SNTG1: variants seen among roughly 807,000 people sequenced by gnomAD.
The protein encoded by SNTG1 is gamma-1-syntrophin.
A neutral mutation model predicts 74.7 loss-of-function variants in SNTG1; 39 were observed. The ratio of observed to expected loss-of-function variants is 0.52; its 90% CI spans 0.40 to 0.68. The LOEUF is 0.68. Ranked by LOEUF, SNTG1 falls within the 30% of genes least tolerant of loss-of-function variation. The probability of loss-of-function intolerance (pLI) is 0.00; values close to 1 mark genes in which losing one functional copy is unlikely to be tolerated. For missense variants in SNTG1, 685 were observed against 609.5 expected (o/e 1.12, Z -1.30); for synonymous variants, 254 against 217.1 (o/e 1.17, Z -1.49).
intron 3 of SNTG1, among the ~76,000 whole-genome samples, chr8:50,395,831 T>C (rs368463221): frequency 1.2e-4 from 19 of 152,260 alleles, no homozygotes; most frequent in African/African-American, 3.8e-4. Context: ...TTTAATTGCA[T>C]ACTTAATTTT....
chr8:50,513,684 G>A (rs537892923), intron 9 of SNTG1, among the ~76,000 whole-genome samples: 2 of 152,348 alleles, frequency 1.3e-5, no homozygotes, highest in South Asian at 4.1e-4. Context: ...AACAATGAGT[G>A]AGGCTCCGTG....
At chr8:50,207,916 C>G (rs1309252257) in intron 2 of SNTG1, among the ~76,000 whole-genome samples, 1 of 152,152 alleles carries the variant, frequency 6.6e-6, no homozygotes, top group Non-Finnish European at 1.5e-5. Context: ...TTTGATTGCA[C>G]TGTGATCTCA....
chr8:50,521,849 T>C (rs893354811), intron 9 of SNTG1, among the ~76,000 whole-genome samples: 3 of 152,132 alleles, frequency 2.0e-5, no homozygotes, highest in African/African-American at 7.2e-5. Flanking sequence ...GCTCTACTTC[T>C]GATTGTAATT....
chr8:50,523,197 G>A (rs952463573), intron 9 of SNTG1, among the ~76,000 whole-genome samples: 2 of 152,114 alleles, frequency 1.3e-5, no homozygotes, highest in African/African-American at 4.8e-5. Context: ...TGGCTTAAGG[G>A]AATGCTGTGG....
intron 13 of SNTG1, among the ~76,000 whole-genome samples, chr8:50,638,815 T>G (rs2095054884): frequency 6.6e-6 from 1 of 151,994 alleles, no homozygotes; most frequent in African/African-American, 2.4e-5. Context: ...AATCATGGAG[T>G]TTAGCATAGA....
intron 12 of SNTG1, among the ~76,000 whole-genome samples, chr8:50,567,693 T>G: frequency 6.6e-6 from 1 of 152,118 alleles, no homozygotes; most frequent in East Asian, 1.9e-4. Flanking sequence ...TTTCCTTTAT[T>G]TTTTAAATTA....
chr8:50,295,757 G>T (rs1227805282), intron 2 of SNTG1, among the ~76,000 whole-genome samples: 1 of 152,130 alleles, frequency 6.6e-6, no homozygotes, highest in Non-Finnish European at 1.5e-5. Flanking sequence ...GGACAATTTG[G>T]AATCTGCCAA....
At chr8:49,984,959 C>T (rs1813023163) in intron 1 of SNTG1, among the ~76,000 whole-genome samples, 1 of 151,942 alleles carries the variant, frequency 6.6e-6, no homozygotes, top group African/African-American at 2.4e-5. Flanking sequence ...CTCTGCCTTA[C>T]CAATTTCCAG....
chr8:50,006,304 C>T (rs1017875285), intron 1 of SNTG1, among the ~76,000 whole-genome samples: 1 of 152,056 alleles, frequency 6.6e-6, no homozygotes, highest in Admixed American at 6.6e-5. Context: ...TTAAAATTTT[C>T]TATATTTTCA....
At chr8:50,740,619 C>T (rs1218162524) in intron 17 of SNTG1, among the ~76,000 whole-genome samples, 1 of 151,922 alleles carries the variant, frequency 6.6e-6, no homozygotes, top group Non-Finnish European at 1.5e-5. Flanking sequence ...TATTATTTAA[C>T]CCATCAATCC....
chr8:50,708,212 C>A lies in SNTG1; in HGVS notation c.1192-674C>A, dbSNP rs564546095. 5.6e-3 allele frequency: 901 copies of A among 161,822 alleles called. 16 individuals carry two copies. The highest frequency in any genetic ancestry group is 0.018 in the African/African-American group (736 of 41,690). The allele number at this position is 161,822 out of a possible 1,614,324, so 10.0% of individuals were successfully genotyped here. On this transcript the variant is annotated intron_variant, in intron 16 of 18. Coordinates refer to ENST00000642720, the MANE Select transcript of SNTG1 (RefSeq NM_018967.5). ...CAAGACTCTGTTTCAAAAAAAAAAA[C>A]CCCAAACAAGAAAAATTATAATATT...
intron 2 of SNTG1, among the ~76,000 whole-genome samples, chr8:50,174,749 T>C (rs902833811): frequency 3.3e-5 from 5 of 152,164 alleles, no homozygotes; most frequent in Non-Finnish European, 5.9e-5. Flanking sequence ...TTAGGGTACA[T>C]GTGCACAACG....
chr8:50,045,600 G>A (rs1479872530), intron 1 of SNTG1, among the ~76,000 whole-genome samples: 1 of 152,012 alleles, frequency 6.6e-6, no homozygotes, highest in African/African-American at 2.4e-5. Context: ...TGGGGAGGGG[G>A]TCCTCAGTTT....
intron 4 of SNTG1, among the ~76,000 whole-genome samples, chr8:50,424,016 T>C (rs2093130212): frequency 6.6e-6 from 1 of 152,178 alleles, no homozygotes; most frequent in Non-Finnish European, 1.5e-5. Context: ...TTTAAGGTTT[T>C]AGACAAGAAC....
chr8:50,161,863 G>T (rs1306064593), intron 1 of SNTG1, among the ~76,000 whole-genome samples: 1 of 152,086 alleles, frequency 6.6e-6, no homozygotes, highest in Non-Finnish European at 1.5e-5. Flanking sequence ...AGAGATAATT[G>T]TCTTTAAAAA....
intron 12 of SNTG1, among the ~76,000 whole-genome samples, chr8:50,589,401 G>T (rs1044616448): frequency 1.3e-5 from 2 of 152,134 alleles, no homozygotes; most frequent in African/African-American, 4.8e-5. Flanking sequence ...CCAAGGGTGG[G>T]TTAGCAGGAC....
In SNTG1 at chr8:50,363,051, G is replaced by T. The variant is rs532449093; in HGVS notation, c.-27-31161G>T. ...CATAGCAGAACTTAAAAAAAAGAAA[G>T]AAATTCTTATTTTGTTTGTTTTATA... is the stretch of plus-strand genomic sequence containing the variant. On this transcript the variant is annotated intron_variant, in intron 2 of 18. Transcript: ENST00000642720. Among the ~76,000 whole-genome samples the T allele has an allele frequency of 7.2e-5, 11 of 152,060 alleles. No homozygotes were observed. In the South Asian group the frequency reaches 1.9e-3, roughly 26 times the overall value.
chr8:50,741,939 G>A (rs2131665836), intron 17 of SNTG1, among the ~76,000 whole-genome samples: 1 of 152,032 alleles, frequency 6.6e-6, no homozygotes, highest in South Asian at 2.1e-4. Context: ...TGTAATGGTA[G>A]ATAAATGTTA....
At chr8:50,447,560 G>A (rs923393166) in intron 5 of SNTG1, among the ~76,000 whole-genome samples, 5 of 152,002 alleles carry the variant, frequency 3.3e-5, no homozygotes, top group Non-Finnish European at 7.4e-5. Flanking sequence ...GTGACCTTAC[G>A]CTGGGCCTGG....
Sources: gnomAD v4.1 joint callset for allele counts (sites outside exome capture counted in the v4.1 genomes callset) on GRCh38, gnomAD v4.1.1 for gene constraint, MANE v1.5 for transcripts, NCBI Gene and HGNC (gene_info 2026-07-23, HGNC 2026-07-21) for gene names.